The following MROH2B variants were observed in gnomAD, a reference collection of about 807,000 sequenced individuals.
The protein encoded by MROH2B is maestro heat like repeat family member 2B.
A neutral mutation model predicts 208.6 loss-of-function variants in MROH2B; 177 were observed. The ratio of observed to expected loss-of-function variants is 0.85; its 90% confidence interval spans 0.75 to 0.96. The LOEUF (loss-of-function observed/expected upper bound fraction) is 0.96, where lower values mean the gene tolerates loss of function less well. MROH2B is among the 40% of genes least tolerant of loss of function. The pLI, the probability that MROH2B is intolerant of heterozygous loss-of-function variation, is 0.00. For missense variants in MROH2B, 2,002 were observed against 1,878.7 expected, an observed-to-expected ratio of 1.07 and a Z score of -1.21; for synonymous variants, 728 against 659.0, an observed-to-expected ratio of 1.10 and a Z score of -1.60.
At chr5:41,041,747 T>C (rs563810627) in intron 19 of MROH2B, among the ~76,000 whole-genome samples, 9 of 152,256 alleles carry the variant, frequency 5.9e-5, no homozygotes, top group Admixed American at 4.6e-4. Context: ...AGGTTATCTT[T>C]ACATTCTCTC....
chr5:41,009,906 T>A lies in MROH2B; in HGVS notation c.3293+16A>T. On this transcript the variant is annotated intron_variant, in intron 31 of 41. Transcript: ENST00000399564. ...GGCCTTCCCTAGGAGAAGGAATCAG[T>A]TCAATAAGGATCTACCTGTCAAAAG... 6.2e-7 allele frequency: 1 copy of A among 1,610,606 alleles called. No homozygotes were observed. The highest frequency in any genetic ancestry group is 1.3e-5 in the African/African-American group (1 of 74,850).
chr5:41,055,822 A>G lies in MROH2B; in HGVS notation c.953T>C (p.Phe318Ser), dbSNP rs779836244. Residue 318 changes from phenylalanine to serine, a missense_variant, in exon 10 of 42, where the codon TTT (phenylalanine) becomes TCT (serine). Physicochemically the swap from Phe to Ser is radical, Grantham distance 155. Coordinates refer to ENST00000399564, the MANE Select transcript of MROH2B (RefSeq NM_173489.5). Reference protein sequence around the residue: ...HSNPGELMEFFDEQVRSNNEA... With the variant: ...HSNPGELMEFSDEQVRSNNEA... ...ATTATTACTTCTTACTTGTTCATCA[A>G]AAAATTCCATCAGCTCTCCAGGATT... is the stretch of plus-strand genomic sequence containing the variant. 6 of 1,613,880 alleles carry G rather than the reference A, an allele frequency of 3.7e-6. No homozygotes were observed. Among genetic ancestry groups the G allele is most frequent in the South Asian group, 3.3e-5 (3 of 91,070 alleles).
At chr5:41,040,909 C>T (rs1561295642) in intron 19 of MROH2B, among the ~76,000 whole-genome samples, 3 of 152,124 alleles carry the variant, frequency 2.0e-5, no homozygotes, top group Admixed American at 2.0e-4. Flanking sequence ...TCGTGATCTG[C>T]CTGCCTCAGC....
intron 19 of MROH2B, among the ~76,000 whole-genome samples, chr5:41,041,339 A>G (rs1742940138): frequency 6.6e-6 from 1 of 152,130 alleles, no homozygotes; most frequent in Admixed American, 6.5e-5. Context: ...AAAAATACAC[A>G]TCTTCAGCGG....
At chr5:41,036,912 C>T (rs1490188925) in intron 21 of MROH2B, among the ~76,000 whole-genome samples, 2 of 151,884 alleles carry the variant, frequency 1.3e-5, no homozygotes, top group African/African-American at 4.8e-5. Flanking sequence ...TATGACTCAA[C>T]CTCATTTCCT....
chr5:41,065,951 G>A (rs147097500), intron 3 of MROH2B, among the ~76,000 whole-genome samples: 1 of 152,290 alleles, frequency 6.6e-6, no homozygotes, highest in Non-Finnish European at 1.5e-5. Context: ...CTCTTGGTAG[G>A]TGTTAGTAGC....
intron 2 of MROH2B, among the ~76,000 whole-genome samples, chr5:41,067,942 C>T (rs1457114175): frequency 3.3e-5 from 5 of 152,154 alleles, no homozygotes; most frequent in African/African-American, 1.2e-4. Flanking sequence ...GGCTGCTAGG[C>T]TATGAAACTG....
At chr5:41,019,354 G>T (rs1742069105) in intron 24 of MROH2B, among the ~76,000 whole-genome samples, 1 of 152,152 alleles carries the variant, frequency 6.6e-6, no homozygotes, top group Non-Finnish European at 1.5e-5. Context: ...GAGAGAGAGT[G>T]AGAAAGAGAG....
Position 41,048,463 on chromosome 5 carries a change from T to C in MROH2B, c.1545A>G (p.Val515=). 1 of 1,606,462 alleles carries C rather than the reference T, an allele frequency of 6.2e-7. No homozygotes were observed. Among genetic ancestry groups the C allele is most frequent in the Non-Finnish European group, 8.5e-7 (1 of 1,177,614 alleles). The change falls in exon 16 of 42, where the codon GTA becomes GTG. Residue 515 remains valine, a splice_region_variant and synonymous_variant. Coordinates refer to ENST00000399564, the MANE Select transcript of MROH2B (RefSeq NM_173489.5). ...CCCCTAAACTGGCAGGCATAGATAT[T>C]ACCTGAAGGATAGAAGAGAAGGAGC... is the stretch of plus-strand genomic sequence containing the variant. ...SPQQLLARLL[V]ISMPASLGEL...
intron 24 of MROH2B, among the ~76,000 whole-genome samples, chr5:41,020,865 A>T (rs1455937348): frequency 6.6e-6 from 1 of 152,232 alleles, no homozygotes; most frequent in Non-Finnish European, 1.5e-5. Flanking sequence ...GGCTGAAAAC[A>T]TCCCCTGTAA....
At chr5:41,029,132 A>AT (rs1742480510) in intron 24 of MROH2B, among the ~76,000 whole-genome samples, 1 of 151,964 alleles carries the variant, frequency 6.6e-6, no homozygotes, top group South Asian at 2.1e-4. Flanking sequence ...TCTTGCTAAC[A>AT]TGTGTTAGGG....
At chr5:41,046,945 G>A (rs1743140273) in intron 17 of MROH2B, among the ~76,000 whole-genome samples, 1 of 152,102 alleles carries the variant, frequency 6.6e-6, no homozygotes, top group South Asian at 2.1e-4. Context: ...CCAGTTCTCA[G>A]GTACCACCCC....
chr5:41,004,324 G>T (rs1741498368), intron 37 of MROH2B, 22 bp downstream of exon 37: 3 of 1,606,876 alleles, frequency 1.9e-6, no homozygotes, highest in East Asian at 4.5e-5. Context: ...GGGGAGGGAA[G>T]TTCCTAAACA....
chr5:41,012,736 C>T lies in MROH2B; in HGVS notation c.2983-1G>A. On this transcript the variant is annotated splice_acceptor_variant, in intron 29 of 41. Transcript: ENST00000399564. LOFTEE classifies it high-confidence loss of function. ...CATTTGGGATGAACTTACTGACAATCTGAAAATGCACCCAGAAAGATTCGT... is the reference window on the plus strand; with the variant it reads ...CATTTGGGATGAACTTACTGACAATTTGAAAATGCACCCAGAAAGATTCGT... 2 of 1,613,068 alleles carry T rather than the reference C, an allele frequency of 1.2e-6. No homozygotes were observed.
At position 41,003,231 on chromosome 5, in the gene MROH2B, G is replaced by T. The variant is rs113666497; in HGVS notation, c.4194+1115C>A. Among the ~76,000 whole-genome samples the T allele has an allele frequency of 4.4e-3, 670 of 152,256 alleles. 1 individual carries two copies. The highest frequency in any genetic ancestry group is 6.9e-3 in the Non-Finnish European group (468 of 68,024). On this transcript the variant is annotated intron_variant, in intron 37 of 41. Transcript: ENST00000399564. ...CTGCCTCAGCCTCCCAAAGTGCTGG[G>T]ATTACAGGCGTGAGCCACCATGCCT...
intron 28 of MROH2B, among the ~76,000 whole-genome samples, chr5:41,017,137 G>A (rs6870896): frequency 0.48 from 72,221 of 152,004 alleles, 17,280 homozygotes; most frequent in African/African-American, 0.51. Flanking sequence ...GACTGTTTCT[G>A]GCTGCGTCTA....
At chr5:41,005,486 C>A in intron 35 of MROH2B, 45 bp downstream of exon 35, 1 of 1,251,038 alleles carries the variant, frequency 8.0e-7, no homozygotes, top group East Asian at 3.6e-5. Context: ...GAGAAATACC[C>A]TATGGGGACC....
rs1481095143 is a variant in MROH2B, at chr5:41,052,475, T to C, written c.1220A>G (p.Asn407Ser). 2 of 1,612,516 alleles carry C rather than the reference T, an allele frequency of 1.2e-6. No individual in the cohort carries two copies. The highest frequency in any genetic ancestry group is 2.2e-5 in the East Asian group (1 of 44,784). ...DYVFSQFATLNRNLEKPVKTN... is the reference protein window; with the variant it reads ...DYVFSQFATLSRNLEKPVKTN... The stretch of plus-strand genomic sequence containing the variant: ...GTAGCCTCTGCATACCAGATTCCTG[T>C]TCAACGTTGCAAACTGGGAGAAGAC... Residue 407 changes from asparagine (N) to serine (S), a missense_variant, in exon 12 of 42, where the codon AAC becomes AGC. Coordinates refer to ENST00000399564, the MANE Select transcript of MROH2B (RefSeq NM_173489.5).
chr5:41,037,838 C>G (rs1352766079), intron 21 of MROH2B, among the ~76,000 whole-genome samples: 1 of 152,174 alleles, frequency 6.6e-6, no homozygotes, highest in Non-Finnish European at 1.5e-5. Context: ...GAAAACAACT[C>G]TAGGAAGCTA....
Sources: allele counts gnomAD v4.1 joint callset (sites outside exome capture counted in the v4.1 genomes callset), GRCh38; gene constraint gnomAD v4.1.1; transcripts MANE v1.5; gene names NCBI Gene and HGNC (gene_info 2026-07-23, HGNC 2026-07-21).